GNB1L: variants seen among roughly 807,000 people sequenced by gnomAD.
GNB1L encodes the protein guanine nucleotide-binding protein subunit beta-like protein 1.
Under a neutral mutation model 29.1 loss-of-function variants are expected in GNB1L, and 20 were observed. The observed-to-expected ratio is 0.69, with a 90% CI of 0.48 to 1.00. The LOEUF (loss-of-function observed/expected upper bound fraction) is 1.00. Ranked by LOEUF, GNB1L falls within the 50% of genes least tolerant of loss-of-function variation. GNB1L has a pLI of 0.00. For synonymous variants in GNB1L, 193 were observed against 206.5 expected, an observed-to-expected ratio of 0.93 and a Z score of 0.56; for missense variants, 421 against 464.9, an observed-to-expected ratio of 0.91 and a Z score of 0.87.
At chr22:19,810,272 A>G (rs1048357993) in intron 5 of GNB1L, among the ~76,000 whole-genome samples, 1 of 152,164 alleles carries the variant, frequency 6.6e-6, no homozygotes, top group Non-Finnish European at 1.5e-5. Context: ...ACAGTCCCCA[A>G]CCAAGGAAGG....
rs1456852685 is a variant in GNB1L at position 19,792,876 on chromosome 22, C to G, written c.733-3916G>C. 7.0e-6 allele frequency: 8 copies of G among 1,137,166 alleles called. No homozygotes were observed. In the East Asian group the frequency reaches 1.9e-4, roughly 27 times the overall value. 70.4% of individuals were successfully genotyped at this position (1,137,166 alleles called of 1,614,324 possible). ...GAAGGCAAGACTGGGACGTCTAGTC[C>G]ACAGGAAGACCTGCACCACTGTCAC... On this transcript the variant is annotated intron_variant, in intron 7 of 7. Transcript: ENST00000329517.
intron 2 of GNB1L, among the ~76,000 whole-genome samples, chr22:19,843,440 G>A (rs1257670286): frequency 3.9e-5 from 6 of 152,202 alleles, no homozygotes; most frequent in African/African-American, 7.2e-5. Context: ...GCCCGATGGC[G>A]AGGGGGAGCC....
chr22:19,852,083 G>T, intron 2 of GNB1L: 1 of 1,614,220 alleles, frequency 6.2e-7, no homozygotes, highest in Non-Finnish European at 8.5e-7. Flanking sequence ...CTCCATGGTC[G>T]TTCGCACACA....
At chr22:19,840,076 A>G (rs930832248) in intron 2 of GNB1L, among the ~76,000 whole-genome samples, 2 of 150,856 alleles carry the variant, frequency 1.3e-5, no homozygotes, top group Admixed American at 6.6e-5. Context: ...AAAAAAAAAA[A>G]GTATACTATG....
At chr22:19,797,807 G>A (rs955080474) in intron 7 of GNB1L, among the ~76,000 whole-genome samples, 1 of 152,140 alleles carries the variant, frequency 6.6e-6, no homozygotes, top group African/African-American at 2.4e-5. Flanking sequence ...GGGGCCCCCT[G>A]GTTCACGGAC....
chr22:19,844,281 A>G (rs1164115412), intron 2 of GNB1L, among the ~76,000 whole-genome samples: 1 of 152,200 alleles, frequency 6.6e-6, no homozygotes, highest in Non-Finnish European at 1.5e-5. Flanking sequence ...TAGACAGCCC[A>G]CTGCAGCCTG....
Position 19,784,774 on chromosome 22 carries a change from G to C in GNB1L, c.*3935C>G, listed in dbSNP as rs969759616. The C allele has an allele frequency of 1.3e-5, 2 of 152,210 alleles. No individual in the cohort carries two copies. Among genetic ancestry groups the C allele is most frequent in the African/African-American group, 4.8e-5 (2 of 41,454 alleles). The allele number at this position is 152,210 out of a possible 1,614,324, so 9.4% of individuals were successfully genotyped here. A position where few individuals can be genotyped will look rare whatever the true frequency, so the allele number is the denominator to read the frequency against. On this transcript the variant is annotated 3_prime_UTR_variant, in exon 8 of 8. Coordinates refer to ENST00000329517, the MANE Select transcript of GNB1L (RefSeq NM_053004.3). The stretch of plus-strand genomic sequence containing the variant: ...GTGGAGTGGGACCTGCTGCCCCTCT[G>C]ACAGCTCCTGGTAATCAGAGGGGCC...
At position 19,788,698 on chromosome 22, in the gene GNB1L, G is replaced by A. The variant is rs759557690; in HGVS notation, c.*11C>T. On this transcript the variant is annotated 3_prime_UTR_variant, in exon 8 of 8. Coordinates refer to ENST00000329517, the MANE Select transcript of GNB1L (RefSeq NM_053004.3). ...CCGCCCTCCTCGTCTCCCGGGAAGG[G>A]AGTGGGTGAGTCATGCGCGTGGGTA... is the stretch of plus-strand genomic sequence containing the variant. 1 of 1,611,580 alleles carries A rather than the reference G, an allele frequency of 6.2e-7. No individual in the cohort carries two copies. Among genetic ancestry groups the A allele is most frequent in the Non-Finnish European group, 8.5e-7 (1 of 1,179,008 alleles).
rs1281796354 is a variant in GNB1L at position 19,851,270 on chromosome 22, ACCT to A, written c.-21+3170_-21+3172del. On this transcript the variant is annotated intron_variant, in intron 2 of 7. Coordinates refer to ENST00000329517, the MANE Select transcript of GNB1L (RefSeq NM_053004.3). ...CTCCTGGTCTCCCTCTGTCTCCAAAACCTCCTCCTCTGTTTTCTGGGGTTTTGG... is the reference window on the plus strand; with the variant it reads ...CTCCTGGTCTCCCTCTGTCTCCAAAACCTCCTCTGTTTTCTGGGGTTTTGG... 14 of 1,610,876 alleles carry A rather than the reference ACCT, an allele frequency of 8.7e-6. No individual in the cohort carries two copies. In the Middle Eastern group the frequency reaches 4.9e-4, roughly 57 times the overall value.
At chr22:19,829,432 C>T (rs1043500535) in intron 2 of GNB1L, among the ~76,000 whole-genome samples, 2 of 152,054 alleles carry the variant, frequency 1.3e-5, no homozygotes, top group Admixed American at 1.3e-4. Flanking sequence ...AAGGTCTTAT[C>T]AAATAGAAAT....
intron 2 of GNB1L, chr22:19,851,092 T>G: frequency 6.7e-7 from 1 of 1,490,020 alleles, no homozygotes; most frequent in Non-Finnish European, 8.9e-7. Flanking sequence ...CTGCTCTGAC[T>G]GGGGACTATG....
chr22:19,802,692 C>T (rs977705173), intron 6 of GNB1L, among the ~76,000 whole-genome samples: 2 of 152,252 alleles, frequency 1.3e-5, no homozygotes, highest in African/African-American at 4.8e-5. Context: ...GGGCTGGTCA[C>T]CTGTCTAGAG....
chr22:19,795,835 C>T lies in GNB1L; in HGVS notation c.732+6166G>A, dbSNP rs536897952. ...AGCTGCTGCTGCTCAGAGAACGGCC[C>T]CTCAGCATCCAGGCCCGTGCATCAG... On this transcript the variant is annotated intron_variant, in intron 7 of 7. Transcript: ENST00000329517. Among the ~76,000 whole-genome samples, 5 of 152,276 alleles carry T rather than the reference C, an allele frequency of 3.3e-5. No individual in the cohort carries two copies. In the South Asian group the frequency reaches 1.0e-3, roughly 32 times the overall value.
At chr22:19,790,194 T>C (rs1344525218) in intron 7 of GNB1L, among the ~76,000 whole-genome samples, 1 of 152,166 alleles carries the variant, frequency 6.6e-6, no homozygotes, top group African/African-American at 2.4e-5. Context: ...CAGCAAATGG[T>C]CTGGCAGGGA....
At position 19,788,953 on chromosome 22, in the gene GNB1L, C is replaced by G. The variant is rs1205252045; in HGVS notation, c.740G>C (p.Gly247Ala). The change falls in exon 8 of 8, where the codon GGG (glycine) becomes GCG (alanine). Residue 247 changes from glycine (G) to alanine (A), a missense_variant. Gly to Ala is a moderately conservative substitution (Grantham distance 60). Transcript: ENST00000329517. ...CCCGGGATTGGTGAGTTCATGAGTC[C>G]CACGCACCTGTGAGAGTTGGGAGAG... ...LDWQQALQVR[G>A]THELTNPGIA... The G allele has an allele frequency of 6.9e-6, 11 of 1,601,496 alleles. No homozygotes were observed. Among genetic ancestry groups the G allele is most frequent in the Non-Finnish European group, 9.4e-6 (11 of 1,171,734 alleles).
chr22:19,840,086 G>C (rs1937833445), intron 2 of GNB1L, among the ~76,000 whole-genome samples: 1 of 151,434 alleles, frequency 6.6e-6, no homozygotes, highest in Non-Finnish European at 1.5e-5. Context: ...AGTATACTAT[G>C]ATAAAAGTTA....
At chr22:19,812,849 A>G in intron 4 of GNB1L, among the ~76,000 whole-genome samples, 1 of 152,232 alleles carries the variant, frequency 6.6e-6, no homozygotes, top group Non-Finnish European at 1.5e-5. Context: ...AGGGGAGCCA[A>G]CCTGAGGCAT....
chr22:19,837,371 T>C (rs1299302656), intron 2 of GNB1L, among the ~76,000 whole-genome samples: 1 of 152,208 alleles, frequency 6.6e-6, no homozygotes, highest in East Asian at 1.9e-4. Context: ...TATATAATTT[T>C]CAAAATCCAC....
chr22:19,838,043 C>T (rs952302480), intron 2 of GNB1L, among the ~76,000 whole-genome samples: 12 of 152,192 alleles, frequency 7.9e-5, no homozygotes, highest in African/African-American at 1.9e-4. Context: ...TTGTCTTGAG[C>T]GTGGGGATGG....
Sources: allele counts gnomAD v4.1 joint callset (sites outside exome capture counted in the v4.1 genomes callset), GRCh38; gene constraint gnomAD v4.1.1; transcripts MANE v1.5; gene names NCBI Gene and HGNC (gene_info 2026-07-23, HGNC 2026-07-21).